Variants in ABCA12 observed in about 807,000 individuals in gnomAD.
ABCA12 encodes glucosylceramide transporter ABCA12.
Under a neutral mutation model 293.5 loss-of-function variants are expected in ABCA12, and 156 were observed. The observed-to-expected ratio is 0.53, with a 90% CI of 0.47 to 0.61. The LOEUF is 0.61. ABCA12 is among the 20% of genes least tolerant of loss of function. ABCA12 has a pLI of 0.00. For missense variants in ABCA12, 2,797 were observed against 3,090.2 expected (o/e 0.91, Z 2.25); for synonymous variants, 1,063 against 1,108.0 (o/e 0.96, Z 0.81).
chr2:214,992,719 G>A (rs1393263522), intron 23 of ABCA12, among the ~76,000 whole-genome samples: 4 of 151,484 alleles, frequency 2.6e-5, no homozygotes, highest in Non-Finnish European at 4.4e-5. Flanking sequence ...AAAATTAGCC[G>A]GGCATGGTGG....
At position 215,019,764 on chromosome 2, in the gene ABCA12, A is replaced by G. The variant is rs758227430; in HGVS notation, c.1320T>C (p.Leu440=). Residue 440 remains leucine, a synonymous_variant, in exon 12 of 53, where the codon CTT becomes CTC. Coordinates refer to ENST00000272895, the MANE Select transcript of ABCA12 (RefSeq NM_173076.3). ...TCAAACTGAAAGTTTCAGATTCACAAAGAAGTTCGGTCAAGTTTCGAAGTT... is the reference window on the plus strand; with the variant it reads ...TCAAACTGAAAGTTTCAGATTCACAGAGAAGTTCGGTCAAGTTTCGAAGTT... ...LSQLRNLTEL[L]CESETFSLIE... is the part of the protein sequence containing the mutation. 1.1e-5 allele frequency: 18 copies of G among 1,613,476 alleles called. No individual in the cohort carries two copies. The highest frequency in any genetic ancestry group is 1.4e-5 in the Non-Finnish European group (16 of 1,180,024).
chr2:215,069,057 T>C (rs981887946), intron 2 of ABCA12, among the ~76,000 whole-genome samples: 1 of 152,194 alleles, frequency 6.6e-6, no homozygotes, highest in South Asian at 2.1e-4. Context: ...CTTGCCACTG[T>C]TTCATTCTGT....
At chr2:215,067,253 G>A (rs1024545921) in intron 2 of ABCA12, among the ~76,000 whole-genome samples, 1 of 152,008 alleles carries the variant, frequency 6.6e-6, no homozygotes, top group Admixed American at 6.6e-5. Flanking sequence ...GTTCCCCAGT[G>A]CTAGGATAAA....
chr2:215,107,933 G>A (rs1026763437), intron 2 of ABCA12, among the ~76,000 whole-genome samples: 1 of 152,198 alleles, frequency 6.6e-6, no homozygotes, highest in African/African-American at 2.4e-5. Flanking sequence ...GAGGAGTGAG[G>A]TGTGTTCTGG....
At chr2:215,022,800 G>C (rs930375178) in intron 11 of ABCA12, 1 of 151,922 alleles carries the variant, frequency 6.6e-6, no homozygotes, top group Non-Finnish European at 1.5e-5. Context: ...CTGAGCTCTT[G>C]GTGGGTAAAT....
In ABCA12 at chr2:214,956,737, A is replaced by T. The variant is rs201569862; in HGVS notation, c.6159T>A (p.Ile2053=). 5.9e-5 allele frequency: 96 copies of T among 1,613,782 alleles called. No homozygotes were observed. In the East Asian group the frequency reaches 2.0e-3, roughly 33 times the overall value. The change falls in exon 42 of 53, where the codon ATT becomes ATA. Residue 2053 remains isoleucine (I), a synonymous_variant. Transcript: ENST00000272895. ...LVPVAFSIGI[I]AIFKLPAFYS... is the part of the protein sequence containing the mutation. The stretch of plus-strand genomic sequence containing the variant: ...AGAATGCAGGTAATTTGAAAATCGC[A>T]ATGATACCAATTGAAAACGCTACAG...
chr2:215,046,054 T>TTA, intron 6 of ABCA12, 39 bp from the exon 7 acceptor site: 1 of 1,592,984 alleles, frequency 6.3e-7, no homozygotes, highest in Non-Finnish European at 8.6e-7. Context: ...AAATGAGACT[T>TTA]TAACATTTGT....
intron 3 of ABCA12, among the ~76,000 whole-genome samples, chr2:215,062,932 G>C (rs544076182): frequency 2.3e-4 from 35 of 152,128 alleles, no homozygotes; most frequent in African/African-American, 7.2e-4. Context: ...AAAAAGGATA[G>C]AGAAATTGTT....
chr2:214,957,196 T>C (rs955272054), intron 41 of ABCA12, among the ~76,000 whole-genome samples: 1 of 152,230 alleles, frequency 6.6e-6, no homozygotes, highest in African/African-American at 2.4e-5. Context: ...TGGTTATCAG[T>C]GTGAACCACT....
At chr2:214,941,082 T>C (rs181139117) in intron 50 of ABCA12, among the ~76,000 whole-genome samples, 1 of 152,318 alleles carries the variant, frequency 6.6e-6, no homozygotes, top group Admixed American at 6.5e-5. Context: ...TCTTTCCCAT[T>C]TTCTCCTGTG....
chr2:215,138,479 T>A lies in ABCA12; in HGVS notation c.-271A>T. On this transcript the variant is annotated 5_prime_UTR_variant, in exon 1 of 53. Transcript: ENST00000272895. The stretch of plus-strand genomic sequence containing the variant: ...ATCTTTGGGTGGCTTATGCTTATTT[T>A]AAAATAATATCCAGTTGCTGCTTGT... The A allele has an allele frequency of 2.1e-6, 1 of 474,986 alleles. No individual in the cohort carries two copies. The highest frequency in any genetic ancestry group is 3.9e-6 in the Non-Finnish European group (1 of 259,364). The allele number at this position is 474,986 out of a possible 1,614,324, so 29.4% of individuals were successfully genotyped here.
chr2:215,125,984 G>A (rs1018228875), intron 1 of ABCA12, among the ~76,000 whole-genome samples: 2 of 152,028 alleles, frequency 1.3e-5, no homozygotes, highest in Non-Finnish European at 2.9e-5. Context: ...TGCCGATTTT[G>A]CCATGAGTTT....
chr2:215,112,395 A>G (rs1298832720), intron 1 of ABCA12, among the ~76,000 whole-genome samples: 1 of 147,824 alleles, frequency 6.8e-6, no homozygotes, highest in East Asian at 2.0e-4. Flanking sequence ...TGGTAGGGGC[A>G]GTGTCTTATT....
chr2:215,111,398 C>G (rs1349466714), intron 2 of ABCA12, among the ~76,000 whole-genome samples, 199 bp downstream of exon 2: 5 of 152,116 alleles, frequency 3.3e-5, no homozygotes, highest in Admixed American at 6.5e-5. Flanking sequence ...TCATATTTTT[C>G]TAGATAAATA....
intron 15 of ABCA12, among the ~76,000 whole-genome samples, chr2:215,012,389 A>G (rs1293477497): frequency 6.6e-6 from 1 of 152,216 alleles, no homozygotes; most frequent in African/African-American, 2.4e-5. Context: ...CCAAAAAGGG[A>G]AAACAATCCA....
intron 19 of ABCA12, chr2:215,004,647 TTC>T: frequency 5.3e-6 from 1 of 189,542 alleles, no homozygotes; most frequent in African/African-American, 2.3e-5. Context: ...AATGTTGTGA[TTC>T]ATGGTTGAAC....
At chr2:215,040,344 C>T (rs552438453) in intron 7 of ABCA12, among the ~76,000 whole-genome samples, 1 of 151,994 alleles carries the variant, frequency 6.6e-6, no homozygotes, top group Non-Finnish European at 1.5e-5. Flanking sequence ...ATAAAGAAAA[C>T]ATATAAATAG....
intron 9 of ABCA12, among the ~76,000 whole-genome samples, chr2:215,027,149 C>T (rs1700765685): frequency 6.6e-6 from 1 of 152,022 alleles, no homozygotes; most frequent in African/African-American, 2.4e-5. Flanking sequence ...TCGAGACCAT[C>T]TTGGCTAACA....
At chr2:215,017,146 T>A (rs945649988) in intron 14 of ABCA12, among the ~76,000 whole-genome samples, 12 of 152,232 alleles carry the variant, frequency 7.9e-5, no homozygotes, top group African/African-American at 2.9e-4. Flanking sequence ...CAATATTTTT[T>A]AAGGGGAACC....
Sources: gnomAD v4.1 joint callset for allele counts (sites outside exome capture counted in the v4.1 genomes callset) on GRCh38, gnomAD v4.1.1 for gene constraint, MANE v1.5 for transcripts, NCBI Gene and HGNC (gene_info 2026-07-23, HGNC 2026-07-21) for gene names.